HECW1: variants seen among roughly 807,000 people sequenced by gnomAD.
HECW1 encodes the protein E3 ubiquitin-protein ligase HECW1.
Under a neutral mutation model 182.3 loss-of-function variants are expected in HECW1, and 61 were observed. The observed-to-expected ratio is 0.33, with a 90% CI of 0.27 to 0.41. The LOEUF is 0.41. HECW1 is among the 10% of genes least tolerant of loss of function. HECW1 has a pLI of 1.00. For synonymous variants in HECW1, 859 were observed against 832.6 expected, an observed-to-expected ratio of 1.03 and a Z score of -0.55; for missense variants, 1,739 against 2,108.9, an observed-to-expected ratio of 0.82 and a Z score of 3.44.
chr7:43,236,428 T>C (rs1798344111), intron 2 of HECW1, among the ~76,000 whole-genome samples: 1 of 152,186 alleles, frequency 6.6e-6, no homozygotes. Context: ...CTCCTGACGG[T>C]GTCAGGTCCT....
chr7:43,121,578 T>C (rs1040058990), intron 2 of HECW1, among the ~76,000 whole-genome samples: 1 of 152,104 alleles, frequency 6.6e-6, no homozygotes, highest in Non-Finnish European at 1.5e-5. Context: ...ATTATACATA[T>C]AGTGATATTT....
chr7:43,311,502 G>A (rs1010206785), intron 3 of HECW1: 37 of 672,250 alleles, frequency 5.5e-5, no homozygotes, highest in African/African-American at 4.9e-4. Context: ...GGTTAGAGCC[G>A]GGAGAGGCAG....
intron 3 of HECW1, among the ~76,000 whole-genome samples, chr7:43,267,074 A>T (rs1284705044): frequency 6.6e-6 from 1 of 152,202 alleles, no homozygotes; most frequent in Admixed American, 6.5e-5. Context: ...GGGAGTTTTA[A>T]TTCATTATTT....
At position 43,515,344 on chromosome 7, in the gene HECW1, A is replaced by G. The variant is rs564090364; in HGVS notation, c.4019+6223A>G. ...AAGAGCCTGATCAGATCTTTATTAA[A>G]CTCAGAAAGTCAACTCTGGTTACAA... On this transcript the variant is annotated intron_variant, in intron 24 of 29. Coordinates refer to ENST00000395891, the MANE Select transcript of HECW1 (RefSeq NM_015052.5). 3.3e-5 allele frequency among the ~76,000 whole-genome samples: 5 copies of G among 152,314 alleles called. No homozygotes were observed. In the East Asian group the frequency reaches 9.7e-4, roughly 29 times the overall value.
At chr7:43,117,981 T>C (rs1785207566) in intron 2 of HECW1, 1 of 152,640 alleles carries the variant, frequency 6.6e-6, no homozygotes, top group Non-Finnish European at 1.5e-5. Flanking sequence ...ACAGACAGGC[T>C]CTCCTGGTGT....
At chr7:43,122,555 C>T (rs1477472450) in intron 2 of HECW1, among the ~76,000 whole-genome samples, 1 of 152,160 alleles carries the variant, frequency 6.6e-6, no homozygotes, top group African/African-American at 2.4e-5. Flanking sequence ...AGACCTCTCT[C>T]ATAAGAACTT....
At chr7:43,463,437 C>T (rs1180213087) in intron 13 of HECW1, among the ~76,000 whole-genome samples, 1 of 152,096 alleles carries the variant, frequency 6.6e-6, no homozygotes, top group Non-Finnish European at 1.5e-5. Flanking sequence ...TAAAAGTCGC[C>T]ATACTTGAAA....
At chr7:43,473,755 C>T (rs1003566815) in intron 16 of HECW1, among the ~76,000 whole-genome samples, 3 of 152,040 alleles carry the variant, frequency 2.0e-5, no homozygotes, top group Admixed American at 1.3e-4. Context: ...ATCTGACAAG[C>T]TTAAAAGGCA....
At chr7:43,219,831 G>A (rs981547425) in intron 2 of HECW1, among the ~76,000 whole-genome samples, 2 of 152,084 alleles carry the variant, frequency 1.3e-5, no homozygotes, top group African/African-American at 4.8e-5. Context: ...TTCTTTCTTT[G>A]GAGGCAGAAA....
At chr7:43,373,617 A>C (rs940412541) in intron 6 of HECW1, among the ~76,000 whole-genome samples, 1 of 151,480 alleles carries the variant, frequency 6.6e-6, no homozygotes, top group Non-Finnish European at 1.5e-5. Flanking sequence ...TTTTTTTTTA[A>C]TTTTTAATTG....
At chr7:43,453,483 C>T (rs184266183) in intron 12 of HECW1, among the ~76,000 whole-genome samples, 3 of 152,164 alleles carry the variant, frequency 2.0e-5, no homozygotes, top group East Asian at 3.9e-4. Context: ...CACTTGGTTT[C>T]GATCATCCTG....
chr7:43,440,622 A>G (rs949909837), intron 9 of HECW1: 1 of 152,254 alleles, frequency 6.6e-6, no homozygotes, highest in African/African-American at 2.4e-5. Context: ...CCCTGAAAGT[A>G]AATGCAAAGC....
At chr7:43,341,865 C>T (rs1008091467) in intron 5 of HECW1, among the ~76,000 whole-genome samples, 1 of 151,524 alleles carries the variant, frequency 6.6e-6, no homozygotes, top group African/African-American at 2.4e-5. Flanking sequence ...CTGTTAGAGC[C>T]ATATATTACT....
intron 5 of HECW1, among the ~76,000 whole-genome samples, chr7:43,346,431 A>G (rs1813695613): frequency 6.6e-6 from 1 of 152,086 alleles, no homozygotes; most frequent in South Asian, 2.1e-4. Context: ...ATTTTCTCCC[A>G]ATATGTGGGT....
At chr7:43,266,344 T>C (rs1018549433) in intron 3 of HECW1, among the ~76,000 whole-genome samples, 2 of 152,168 alleles carry the variant, frequency 1.3e-5, no homozygotes, top group African/African-American at 4.8e-5. Context: ...TTGTTTTGTT[T>C]TCATTTTTTG....
chr7:43,435,154 T>C (rs539320309), intron 8 of HECW1, among the ~76,000 whole-genome samples: 122 of 150,762 alleles, frequency 8.1e-4, no homozygotes, highest in African/African-American at 2.8e-3. Flanking sequence ...TATTTATATA[T>C]AAATTATTAT....
intron 5 of HECW1, among the ~76,000 whole-genome samples, chr7:43,326,825 C>T (rs1279252089): frequency 2.6e-5 from 4 of 152,174 alleles, no homozygotes; most frequent in Non-Finnish European, 2.9e-5. Flanking sequence ...CCAGGGGAGC[C>T]GGTGGCCTTC....
At chr7:43,164,223 GC>G (rs1195983094) in intron 2 of HECW1, among the ~76,000 whole-genome samples, 6 of 152,220 alleles carry the variant, frequency 3.9e-5, no homozygotes, top group Non-Finnish European at 1.5e-5. Context: ...AGACAGGGAG[GC>G]AGCAGAGAAG....
chr7:43,292,454 A>G (rs1234265075), intron 3 of HECW1, among the ~76,000 whole-genome samples: 3 of 152,248 alleles, frequency 2.0e-5, no homozygotes, highest in Non-Finnish European at 2.9e-5. Flanking sequence ...GTGTAGTTAT[A>G]AGAACAACTG....
Sources: allele counts gnomAD v4.1 joint callset (sites outside exome capture counted in the v4.1 genomes callset), GRCh38; gene constraint gnomAD v4.1.1; transcripts MANE v1.5; gene names NCBI Gene and HGNC (gene_info 2026-07-23, HGNC 2026-07-21).